The following DCUN1D1 variants were observed in gnomAD, a reference collection of about 807,000 sequenced individuals.
The protein encoded by DCUN1D1 is DCN1-like protein 1.
Under a neutral mutation model 39.0 loss-of-function variants are expected in DCUN1D1, and 3 were observed. The ratio of observed to expected loss-of-function variants is 0.08; its 90% confidence interval spans 0.04 to 0.20. DCUN1D1 has a LOEUF of 0.20. Among genes scored for constraint, DCUN1D1 ranks in the 10% least tolerant of loss-of-function variants. The probability of loss-of-function intolerance (pLI) is 1.00; values close to 1 mark genes in which losing one functional copy is unlikely to be tolerated. For synonymous variants in DCUN1D1, 82 were observed against 96.3 expected, an observed-to-expected ratio of 0.85 and a Z score of 0.87; for missense variants, 158 against 302.4, an observed-to-expected ratio of 0.52 and a Z score of 3.54.
intron 4 of DCUN1D1, among the ~76,000 whole-genome samples, chr3:182,952,725 A>G (rs1418738206): frequency 6.6e-6 from 1 of 152,192 alleles, no homozygotes; most frequent in Non-Finnish European, 1.5e-5. Flanking sequence ...GAAAGTGTTG[A>G]TAATCCCTGA....
intron 4 of DCUN1D1, among the ~76,000 whole-genome samples, chr3:182,954,108 G>T (rs1726904009): frequency 6.6e-6 from 1 of 152,124 alleles, no homozygotes; most frequent in African/African-American, 2.4e-5. Context: ...TGAAAAAAGA[G>T]ATATAAAATA....
At chr3:182,981,142 C>T (rs1728533917), upstream of DCUN1D1, among the ~76,000 whole-genome samples, 1 of 152,038 alleles carries the variant, frequency 6.6e-6, no homozygotes, top group Admixed American at 6.6e-5. Context: ...GCTGTCACTC[C>T]ATTAGTGAGG....
chr3:182,962,213 C>T (rs974350311), intron 3 of DCUN1D1, among the ~76,000 whole-genome samples: 2 of 152,208 alleles, frequency 1.3e-5, no homozygotes, highest in Admixed American at 6.5e-5. Context: ...AAAATCCCAG[C>T]AAGTTCAGGA....
At chr3:182,945,432 A>G (rs1726343148) in intron 6 of DCUN1D1, among the ~76,000 whole-genome samples, 1 of 152,182 alleles carries the variant, frequency 6.6e-6, no homozygotes, top group South Asian at 2.1e-4. Context: ...CTGGCAACTC[A>G]TCAATAATAT....
intron 4 of DCUN1D1, among the ~76,000 whole-genome samples, chr3:182,948,047 ACCTCCATCC>A (rs1188003051): frequency 2.0e-5 from 3 of 152,036 alleles, no homozygotes; most frequent in Admixed American, 6.6e-5. Flanking sequence ...AATATCTCTG[ACCTCCATCC>A]ACTAGATGCC....
In DCUN1D1 at chr3:182,964,221, T is replaced by C. The variant is rs186231904; in HGVS notation, c.221-172A>G. The stretch of plus-strand genomic sequence containing the variant: ...CATTATTTAAAGCCATTCTCCTTAC[T>C]AACAGCATTCTTAAAGTGTAGAGAT... On this transcript the variant is annotated intron_variant, in intron 2 of 6. Coordinates refer to ENST00000292782, the MANE Select transcript of DCUN1D1 (RefSeq NM_020640.4). Among the ~76,000 whole-genome samples the C allele has an allele frequency of 8.5e-5, 13 of 152,322 alleles. No individual in the cohort carries two copies. The East Asian group carries it at 2.1e-3, about 25-fold the overall frequency.
intron 1 of DCUN1D1, among the ~76,000 whole-genome samples, chr3:182,975,996 A>C (rs1483751707): frequency 6.6e-6 from 1 of 152,068 alleles, no homozygotes; most frequent in East Asian, 1.9e-4. Flanking sequence ...CCAAAGGCCC[A>C]GTTTTCTGCA....
At chr3:182,961,164 C>T (rs554123358) in intron 4 of DCUN1D1, 62 bp downstream of exon 4, 79 of 1,154,580 alleles carry the variant, frequency 6.8e-5, no homozygotes, top group Admixed American at 1.3e-4. Context: ...ATTACAAAAA[C>T]GACACTGTCA....
chr3:182,975,254 G>A (rs1728164650), intron 1 of DCUN1D1, among the ~76,000 whole-genome samples: 1 of 149,254 alleles, frequency 6.7e-6, no homozygotes, highest in East Asian at 2.0e-4. Flanking sequence ...TCGGCTCACT[G>A]CAAGCTCCAC....
intron 1 of DCUN1D1, among the ~76,000 whole-genome samples, chr3:182,979,276 A>C (rs1271940642): frequency 6.6e-6 from 1 of 152,180 alleles, no homozygotes; most frequent in Non-Finnish European, 1.5e-5. Flanking sequence ...ATGACAACAA[A>C]ATACTGCCAA....
chr3:182,976,350 TAC>T (rs1728237873), intron 1 of DCUN1D1, among the ~76,000 whole-genome samples: 1 of 151,858 alleles, frequency 6.6e-6, no homozygotes, highest in Non-Finnish European at 1.5e-5. Flanking sequence ...CCAGTATCCT[TAC>T]AGTGTCCACC....
intron 6 of DCUN1D1, among the ~76,000 whole-genome samples, chr3:182,945,743 T>C (rs1726364518): frequency 6.6e-6 from 1 of 152,110 alleles, no homozygotes; most frequent in African/African-American, 2.4e-5. Context: ...ACAGGAAGTG[T>C]CAAATTCCAT....
chr3:182,961,258 T>A lies in DCUN1D1; in HGVS notation c.488A>T (p.Asn163Ile). Residue 163 changes from asparagine (N) to isoleucine (I), a missense_variant, in exon 4 of 7, where the codon AAT becomes ATT. By Grantham distance (149) the Asn-to-Ile change is moderately radical. Around this residue, in one of 4 missense-constraint regions of DCUN1D1, gnomAD observed 107 missense variants for 174.7 expected, o/e 0.61. Transcript: ENST00000292782. ...RFKDFYQFTFNFAKNPGQKGL... is the reference protein window; with the variant it reads ...RFKDFYQFTFIFAKNPGQKGL... ...TTTTTGTCCTGGATTCTTTGCAAAA[T>A]TAAAAGTAAACTGGTAAAAATCCTT... 1 of 1,578,776 alleles carries A rather than the reference T, an allele frequency of 6.3e-7. No individual in the cohort carries two copies. The highest frequency in any genetic ancestry group is 8.6e-7 in the Non-Finnish European group (1 of 1,156,574).
chr3:182,946,128 T>C (rs573733934), intron 6 of DCUN1D1, among the ~76,000 whole-genome samples: 3 of 152,186 alleles, frequency 2.0e-5, no homozygotes, highest in African/African-American at 4.8e-5. Context: ...CTTCTACATA[T>C]AGAAAAATAC....
rs571829306 is a variant in DCUN1D1, at chr3:182,939,328, T to C, written c.*5766A>G. Reference sequence around the variant, plus strand: ...TTTTTTTAAAAACGTTAGGTATAAATTTACCACACAACCTGACAATTCCAC... The same window carrying C: ...TTTTTTTAAAAACGTTAGGTATAAACTTACCACACAACCTGACAATTCCAC... On this transcript the variant is annotated 3_prime_UTR_variant, in exon 7 of 7. Transcript: ENST00000292782. The C allele has an allele frequency of 3.4e-4, 52 of 152,226 alleles. No individual in the cohort carries two copies. Among genetic ancestry groups the C allele is most frequent in the African/African-American group, 1.2e-3 (51 of 41,546 alleles). 9.4% of individuals were successfully genotyped at this position (152,226 alleles called of 1,614,324 possible).
chr3:182,974,887 CTTCT>C (rs1187728850), intron 1 of DCUN1D1, among the ~76,000 whole-genome samples: 1 of 150,918 alleles, frequency 6.6e-6, no homozygotes, highest in Non-Finnish European at 1.5e-5. Flanking sequence ...ATTTTTTTTC[CTTCT>C]GTTTTGCTTT....
At chr3:182,960,919 T>C (rs1229379140) in intron 4 of DCUN1D1, among the ~76,000 whole-genome samples, 1 of 152,162 alleles carries the variant, frequency 6.6e-6, no homozygotes, top group Non-Finnish European at 1.5e-5. Flanking sequence ...GGGTCATGAA[T>C]GAAAAAATGA....
upstream of DCUN1D1, among the ~76,000 whole-genome samples, chr3:182,983,066 C>T (rs1284275297): frequency 6.6e-6 from 1 of 152,190 alleles, no homozygotes; most frequent in Admixed American, 6.5e-5. Flanking sequence ...CCGTAAAATT[C>T]TCCAAGAGCT....
chr3:182,939,929 A>G lies in DCUN1D1; in HGVS notation c.*5165T>C, dbSNP rs1340547921. On this transcript the variant is annotated 3_prime_UTR_variant, in exon 7 of 7. Coordinates refer to ENST00000292782, the MANE Select transcript of DCUN1D1 (RefSeq NM_020640.4). ...CATAGTTCGTTCATTTGATATATTCAACACAACGAAGTCTAATATACTATT... is the reference window on the plus strand; with the variant it reads ...CATAGTTCGTTCATTTGATATATTCGACACAACGAAGTCTAATATACTATT... 6.6e-6 allele frequency: 1 copy of G among 152,208 alleles called. No individual in the cohort carries two copies. The highest frequency in any genetic ancestry group is 1.5e-5 in the Non-Finnish European group (1 of 68,022). 9.4% of individuals were successfully genotyped at this position (152,208 alleles called of 1,614,324 possible). A position where few individuals can be genotyped will look rare whatever the true frequency, so the allele number is the denominator to read the frequency against.
Sources: allele counts gnomAD v4.1 joint callset (sites outside exome capture counted in the v4.1 genomes callset), GRCh38; gene constraint gnomAD v4.1.1; regional missense constraint gnomAD v4.1.1; transcripts MANE v1.5; gene names NCBI Gene and HGNC (gene_info 2026-07-23, HGNC 2026-07-21).